DENND2B: variants seen among roughly 807,000 people sequenced by gnomAD.
DENND2B encodes the protein DENN domain containing 2B.
Under a neutral mutation model 116.0 loss-of-function variants are expected in DENND2B, and 32 were observed. The observed-to-expected ratio is 0.28, with a 90% CI of 0.21 to 0.37. DENND2B has a LOEUF of 0.37. Ranked by LOEUF, DENND2B falls within the 10% of genes least tolerant of loss-of-function variation. The pLI, the probability that DENND2B is intolerant of heterozygous loss-of-function variation, is 1.00. For missense variants in DENND2B, 1,276 were observed against 1,477.7 expected, an observed-to-expected ratio of 0.86 and a Z score of 2.24; for synonymous variants, 588 against 583.9, an observed-to-expected ratio of 1.01 and a Z score of -0.10.
chr11:8,765,367 C>T (rs1274255512), intron 1 of DENND2B, among the ~76,000 whole-genome samples: 1 of 152,232 alleles, frequency 6.6e-6, no homozygotes, highest in Admixed American at 6.5e-5. Context: ...GATGAACTCA[C>T]AGGGATACTG....
chr11:8,813,926 C>T (rs554520987), upstream of DENND2B, among the ~76,000 whole-genome samples: 4 of 152,290 alleles, frequency 2.6e-5, no homozygotes, highest in Admixed American at 2.6e-4. Flanking sequence ...TGAATCCCAC[C>T]ACTGCCTCTG....
chr11:8,910,821 C>G (rs1372178484), exon 1 of DENND2B: 2 of 153,396 alleles, frequency 1.3e-5, no homozygotes, highest in African/African-American at 4.8e-5. Context: ...TTATACCCAC[C>G]AAGTTAAGCA....
chr11:8,892,261 T>C (rs1350522498), intron 1 of DENND2B, among the ~76,000 whole-genome samples: 1 of 152,198 alleles, frequency 6.6e-6, no homozygotes, highest in Non-Finnish European at 1.5e-5. Context: ...GGGAAACTTA[T>C]AGCACTAAAT....
intron 16 of DENND2B, chr11:8,697,861 G>A: frequency 1.8e-6 from 1 of 562,604 alleles, no homozygotes; most frequent in South Asian, 1.9e-5. Flanking sequence ...AGGCGCAGTG[G>A]CTCACGCCAG....
intron 2 of DENND2B, among the ~76,000 whole-genome samples, chr11:8,863,173 T>A (rs1384038959): frequency 6.6e-6 from 1 of 150,786 alleles, no homozygotes; most frequent in African/African-American, 2.4e-5. Context: ...GTAAATTAAT[T>A]AATTAAAAAA....
At chr11:8,745,285 G>A (rs1163284658) in intron 2 of DENND2B, among the ~76,000 whole-genome samples, 1 of 152,056 alleles carries the variant, frequency 6.6e-6, no homozygotes, top group Non-Finnish European at 1.5e-5. Flanking sequence ...AAACTCCTGG[G>A]CTCAAGCGAT....
intron 1 of DENND2B, chr11:8,895,504 T>A (rs922983627): frequency 6.6e-6 from 1 of 152,170 alleles, no homozygotes; most frequent in African/African-American, 2.4e-5. Flanking sequence ...AGAAAAATAC[T>A]GTATGAGTCC....
intron 3 of DENND2B, among the ~76,000 whole-genome samples, chr11:8,840,941 A>G (rs951862991): frequency 6.6e-6 from 1 of 152,212 alleles, no homozygotes; most frequent in Non-Finnish European, 1.5e-5. Flanking sequence ...TTTCATCAAA[A>G]TCTGTCAAAA....
intron 1 of DENND2B, among the ~76,000 whole-genome samples, chr11:8,771,313 A>G (rs572419766): frequency 2.0e-5 from 3 of 152,260 alleles, no homozygotes; most frequent in African/African-American, 4.8e-5. Context: ...GGGGAACAGT[A>G]TATACAAAGG....
intron 1 of DENND2B, among the ~76,000 whole-genome samples, chr11:8,774,981 T>C (rs866770075): frequency 4.7e-4 from 71 of 151,998 alleles, no homozygotes; most frequent in Middle Eastern, 3.4e-3. Flanking sequence ...CCCAGGTTCA[T>C]GAGATTCTCC....
At chr11:8,801,381 G>C (rs1386828620) in intron 1 of DENND2B, among the ~76,000 whole-genome samples, 1 of 152,054 alleles carries the variant, frequency 6.6e-6, no homozygotes, top group African/African-American at 2.4e-5. Context: ...AAGCCACAAA[G>C]AAATAAACAC....
chr11:8,894,373 G>A (rs1225342284), intron 1 of DENND2B, among the ~76,000 whole-genome samples: 5 of 152,054 alleles, frequency 3.3e-5, no homozygotes, highest in Non-Finnish European at 5.9e-5. Context: ...AAAAGCAATG[G>A]CAACAAAAGC....
intron 1 of DENND2B, chr11:8,776,150 G>GTGCGCGCA (rs2057640819): frequency 1.4e-5 from 4 of 289,630 alleles, no homozygotes; most frequent in African/African-American, 6.3e-5. Context: ...GTGCGCGCAC[G>GTGCGCGCA]CGCGCGCGCG....
chr11:8,812,377 A>C (rs1267390598), upstream of DENND2B, among the ~76,000 whole-genome samples: 1 of 152,142 alleles, frequency 6.6e-6, no homozygotes, highest in Non-Finnish European at 1.5e-5. Context: ...CCTACCCTAC[A>C]GCTATATGTG....
chr11:8,714,089 A>G (rs567164115), intron 7 of DENND2B, 47 bp from the exon 8 acceptor site: 34 of 1,604,682 alleles, frequency 2.1e-5, no homozygotes, highest in East Asian at 6.7e-5. Context: ...CTCACAGCCA[A>G]TGTTTTTTGC....
At chr11:8,697,759 T>C (rs544584170) in intron 16 of DENND2B, 123 bp from the exon 17 acceptor site, 207 of 687,222 alleles carry the variant, frequency 3.0e-4, no homozygotes, top group Non-Finnish European at 4.8e-4. Context: ...CCCTCATAAC[T>C]ATCATCAACC....
rs764069663 is a variant in DENND2B at position 8,730,999 on chromosome 11, G to C, written c.291C>G (p.Ala97=). ...GGCTTCTGTCCAAATAACCGAAGCT[G>C]GCGGTCTTGAAGGGACAGGTGGGTG... The part of the protein sequence containing the change: ...TSPPTCPFKT[A]SFGYLDRSPS... The change falls in exon 3 of 20, where the codon GCC becomes GCG. Residue 97 remains alanine, a synonymous_variant. Coordinates refer to ENST00000313726, the MANE Select transcript of DENND2B (RefSeq NM_213618.2). The surrounding 1 kb of genome is among the most constrained non-coding windows in gnomAD (Gnocchi z 4.1). 1 of 1,614,202 alleles carries C rather than the reference G, an allele frequency of 6.2e-7. No homozygotes were observed. Among genetic ancestry groups the C allele is most frequent in the East Asian group, 2.2e-5 (1 of 44,864 alleles).
chr11:8,730,216 A>G lies in DENND2B; in HGVS notation c.1074T>C (p.Gly358=), dbSNP rs975146573. 1.2e-6 allele frequency: 2 copies of G among 1,612,710 alleles called. No homozygotes were observed. Among genetic ancestry groups the G allele is most frequent in the African/African-American group, 2.7e-5 (2 of 74,822 alleles). Residue 358 remains glycine, a synonymous_variant, in exon 3 of 20, where the codon GGT becomes GGC. Coordinates refer to ENST00000313726, the MANE Select transcript of DENND2B (RefSeq NM_213618.2). This position sits in a 1 kb window ranked among gnomAD's most constrained non-coding sequence, Gnocchi z 4.1. ...TTCCAGGGGTCCCGGGCTTAGTGGA[A>G]CCACTGCCTTCCCTCTCTGGGGGTG... is the stretch of plus-strand genomic sequence containing the variant. ...AGPPPEREGS[G]STKPGTPGNS... is the part of the protein sequence containing the mutation.
intron 3 of DENND2B, among the ~76,000 whole-genome samples, chr11:8,726,522 C>A (rs1318112242): frequency 6.6e-6 from 1 of 152,220 alleles, no homozygotes; most frequent in Non-Finnish European, 1.5e-5. Context: ...TTAATCTTCA[C>A]AACAGTGCCA....
Sources: allele counts gnomAD v4.1 joint callset (sites outside exome capture counted in the v4.1 genomes callset), GRCh38; gene constraint gnomAD v4.1.1; non-coding constraint Gnocchi (gnomAD v3.1); transcripts MANE v1.5; gene names NCBI Gene and HGNC (gene_info 2026-07-23, HGNC 2026-07-21).